Variants in KMT2E observed in about 807,000 individuals in gnomAD.
KMT2E encodes the protein histone reader KMT2E.
KMT2E carries 30 observed loss-of-function variants against 184.6 expected under a neutral mutation model. The observed-to-expected ratio is 0.16, with a 90% CI of 0.12 to 0.22. The LOEUF (loss-of-function observed/expected upper bound fraction) is 0.22, where lower values mean the gene tolerates loss of function less well. KMT2E is among the 10% of genes least tolerant of loss of function. KMT2E has a pLI of 1.00. For missense variants in KMT2E, 2,023 were observed against 2,237.4 expected, an observed-to-expected ratio of 0.90 and a Z score of 1.93; for synonymous variants, 815 against 776.5, an observed-to-expected ratio of 1.05 and a Z score of -0.82.
intron 6 of KMT2E, among the ~76,000 whole-genome samples, chr7:105,071,595 TA>T (rs1797306146): frequency 3.0e-5 from 2 of 66,872 alleles, no homozygotes; most frequent in African/African-American, 5.9e-5. Context: ...TATATATATA[TA>T]TATATATATA....
chr7:105,065,511 C>A (rs565739036), intron 5 of KMT2E, among the ~76,000 whole-genome samples: 1 of 152,140 alleles, frequency 6.6e-6, no homozygotes, highest in Non-Finnish European at 1.5e-5. Context: ...TGTTCCAAGA[C>A]GCCCAGTAGA....
chr7:105,057,638 A>G (rs1170963830), intron 3 of KMT2E, among the ~76,000 whole-genome samples: 1 of 151,928 alleles, frequency 6.6e-6, no homozygotes, highest in Non-Finnish European at 1.5e-5. Context: ...TTTTTGATAG[A>G]GGTGGGATCT....
intron 2 of KMT2E, among the ~76,000 whole-genome samples, chr7:105,040,616 ATCT>A (rs758787215): frequency 1.4e-4 from 21 of 152,182 alleles, no homozygotes; most frequent in Non-Finnish European, 2.4e-4. Context: ...TGCCGTAGTA[ATCT>A]TCTTGTGGCA....
rs150704417 is a variant in KMT2E, at chr7:105,018,865, A to T, written c.-189+4330A>T. 6.6e-3 allele frequency among the ~76,000 whole-genome samples: 1,012 copies of T among 152,226 alleles called. 15 individuals are homozygous for T. The highest frequency in any genetic ancestry group is 0.023 in the African/African-American group (957 of 41,562). ...TGGAGGAACAGTATTTGTTGTTGAA[A>T]TTGTTTTCTACACTAAACTGGAAGT... On this transcript the variant is annotated intron_variant, in intron 1 of 26. Transcript: ENST00000311117.
rs1797558088 is a variant in KMT2E, at chr7:105,077,025, C to G, written c.831C>G (p.Ile277Met). Residue 277 changes from isoleucine to methionine, a missense_variant, in exon 10 of 27, where the codon ATC (isoleucine) becomes ATG (methionine). By Grantham distance (10) the Ile-to-Met change is conservative. This residue lies in a region of KMT2E where 191 missense variants were observed against 209.0 expected (regional missense o/e 0.91). Transcript: ENST00000311117. ...CAAATTTTGGATGGGAGACAAAGAT[C>G]AAAGCATGGATGGATCGATATGAAG... The part of the protein sequence containing the change: ...DGSNFGWETK[I>M]KAWMDRYEEA... The G allele has an allele frequency of 6.2e-7, 1 of 1,613,502 alleles. No homozygotes were observed. Among genetic ancestry groups the G allele is most frequent in the Non-Finnish European group, 8.5e-7 (1 of 1,179,920 alleles).
chr7:105,045,241 T>A (rs919237167), intron 3 of KMT2E, among the ~76,000 whole-genome samples: 5 of 152,260 alleles, frequency 3.3e-5, no homozygotes, highest in African/African-American at 1.2e-4. Context: ...GCAGCAGAAT[T>A]TGATACTATT....
chr7:105,029,589 G>T (rs1282236861), intron 1 of KMT2E, among the ~76,000 whole-genome samples: 1 of 152,124 alleles, frequency 6.6e-6, no homozygotes, highest in Non-Finnish European at 1.5e-5. Context: ...GGCTGAGGGA[G>T]AATGAGTCTT....
chr7:105,113,610 T>C lies in KMT2E; in HGVS notation c.*277T>C. 3.1e-6 allele frequency: 1 copy of C among 327,618 alleles called. No individual in the cohort carries two copies. The highest frequency in any genetic ancestry group is 7.2e-4 in the Middle Eastern group (1 of 1,380). 20.3% of individuals were successfully genotyped at this position (327,618 alleles called of 1,614,324 possible). On this transcript the variant is annotated 3_prime_UTR_variant, in exon 27 of 27. Coordinates refer to ENST00000311117, the MANE Select transcript of KMT2E (RefSeq NM_182931.3). Reference sequence around the variant, plus strand: ...TTGATGCTGTATGATCTTTTTTTTTTTTTTAGTTAAATTCATTTAGTGAAT... The same window carrying C: ...TTGATGCTGTATGATCTTTTTTTTTCTTTTAGTTAAATTCATTTAGTGAAT...
At chr7:105,072,083 G>GC (rs1396511901) in intron 6 of KMT2E, among the ~76,000 whole-genome samples, 2 of 151,846 alleles carry the variant, frequency 1.3e-5, no homozygotes, top group African/African-American at 4.8e-5. Context: ...GGAGGCCCAG[G>GC]CGGGTGGATC....
intron 3 of KMT2E, among the ~76,000 whole-genome samples, chr7:105,057,932 T>C (rs1191188397): frequency 6.6e-6 from 1 of 152,238 alleles, no homozygotes; most frequent in Non-Finnish European, 1.5e-5. Context: ...AAAAATCTTT[T>C]TGTGATGTGT....
chr7:105,036,549 A>G (rs989215594), intron 1 of KMT2E, among the ~76,000 whole-genome samples: 1 of 152,168 alleles, frequency 6.6e-6, no homozygotes, highest in African/African-American at 2.4e-5. Flanking sequence ...TGATTTGGCT[A>G]TTTATTAGTT....
intron 5 of KMT2E, 142 bp downstream of exon 5, chr7:105,063,722 GA>G: frequency 1.7e-6 from 1 of 603,262 alleles, no homozygotes; most frequent in Non-Finnish European, 2.8e-6. Context: ...TGCAGTCCTA[GA>G]AAAAGCCTCC....
chr7:105,088,063 T>G (rs1042189983), intron 13 of KMT2E, among the ~76,000 whole-genome samples: 4 of 152,162 alleles, frequency 2.6e-5, no homozygotes, highest in African/African-American at 9.7e-5. Context: ...CTTTCTCCTC[T>G]CGAAGGTAGG....
intron 13 of KMT2E, among the ~76,000 whole-genome samples, chr7:105,086,898 ATATT>A (rs946119260): frequency 2.5e-5 from 2 of 78,730 alleles, no homozygotes; most frequent in African/African-American, 2.8e-4. Context: ...TATAGCATAT[ATATT>A]ATATATTATA....
At chr7:105,092,335 G>C (rs1437558361) in intron 15 of KMT2E, among the ~76,000 whole-genome samples, 2 of 152,118 alleles carry the variant, frequency 1.3e-5, no homozygotes, top group African/African-American at 4.8e-5. Flanking sequence ...CTGGGAGGTG[G>C]AGGTTGCAGT....
chr7:105,063,603 T>G, intron 5 of KMT2E, 23 bp downstream of exon 5: 1 of 1,445,766 alleles, frequency 6.9e-7, no homozygotes. Flanking sequence ...ACACCATTAT[T>G]TTATTTTTCT....
At chr7:105,101,358 C>T (rs1798649392) in intron 15 of KMT2E, 67 bp from the exon 16 acceptor site, 2 of 1,108,446 alleles carry the variant, frequency 1.8e-6, no homozygotes, top group South Asian at 2.0e-5. Context: ...TTATCACAAA[C>T]ATTTGGACTT....
chr7:105,112,901 C>G lies in KMT2E; in HGVS notation c.5145C>G (p.Pro1715=). 1 of 1,612,502 alleles carries G rather than the reference C, an allele frequency of 6.2e-7. No individual in the cohort carries two copies. Among genetic ancestry groups the G allele is most frequent in the Non-Finnish European group, 8.5e-7 (1 of 1,179,632 alleles). The change falls in exon 27 of 27, where the codon CCC becomes CCG. Residue 1715 remains proline, a synonymous_variant. Coordinates refer to ENST00000311117, the MANE Select transcript of KMT2E (RefSeq NM_182931.3). ...ACCAGCATGTTGTAAATTCAGCACC[C>G]CCACCACCCCCTCCGCCGCCACCTT... is the stretch of plus-strand genomic sequence containing the variant. ...AQHQHVVNSA[P]PPPPPPPPSS... is the part of the protein sequence containing the mutation.
rs538264904 is a variant in KMT2E at position 105,054,218 on chromosome 7, G to C, written c.72-7946G>C. Among the ~76,000 whole-genome samples, 9 of 151,552 alleles carry C rather than the reference G, an allele frequency of 5.9e-5. No homozygotes were observed. In the South Asian group the frequency reaches 1.9e-3, roughly 31 times the overall value. Reference sequence around the variant, plus strand: ...TTTTTTTTTTTAAAGAAAGGCTGCAGAGAATTAAGAATTACTTTTGTTGAT... The same window carrying C: ...TTTTTTTTTTTAAAGAAAGGCTGCACAGAATTAAGAATTACTTTTGTTGAT... On this transcript the variant is annotated intron_variant, in intron 3 of 26. Transcript: ENST00000311117.
Sources: allele counts gnomAD v4.1 joint callset (sites outside exome capture counted in the v4.1 genomes callset), GRCh38; gene constraint gnomAD v4.1.1; regional missense constraint gnomAD v4.1.1; transcripts MANE v1.5; gene names NCBI Gene and HGNC (gene_info 2026-07-23, HGNC 2026-07-21).